Variants in TBC1D31 observed in about 807,000 individuals in gnomAD.
The protein encoded by TBC1D31 is WD repeat domain 67.
Under a neutral mutation model 132.9 loss-of-function variants are expected in TBC1D31, and 99 were observed. The observed-to-expected ratio is 0.74, with a 90% CI of 0.63 to 0.88. TBC1D31 has a LOEUF of 0.88. Ranked by LOEUF, TBC1D31 falls within the 40% of genes least tolerant of loss-of-function variation. The pLI is 0.00. For missense variants in TBC1D31, 1,134 were observed against 1,256.6 expected (o/e 0.90, Z 1.48); for synonymous variants, 385 against 419.4 (o/e 0.92, Z 1.00).
intron 19 of TBC1D31, among the ~76,000 whole-genome samples, chr8:123,142,923 G>A (rs996979951): frequency 6.6e-6 from 1 of 152,178 alleles, no homozygotes; most frequent in African/African-American, 2.4e-5. Flanking sequence ...ATGGTACGTA[G>A]CTGCTAGTAA....
At chr8:123,082,055 G>A (rs920025949) in intron 2 of TBC1D31, among the ~76,000 whole-genome samples, 4 of 152,156 alleles carry the variant, frequency 2.6e-5, no homozygotes, top group African/African-American at 7.2e-5. Flanking sequence ...CTTTCAGACA[G>A]CATGACTCTA....
chr8:123,115,843 G>T (rs1014974537), intron 10 of TBC1D31, among the ~76,000 whole-genome samples: 1 of 152,192 alleles, frequency 6.6e-6, no homozygotes, highest in Non-Finnish European at 1.5e-5. Flanking sequence ...TACCCAGGTA[G>T]TCCAGGATTA....
intron 20 of TBC1D31, 88 bp downstream of exon 20, chr8:123,144,943 AG>A: frequency 4.6e-6 from 5 of 1,089,336 alleles, no homozygotes; most frequent in Non-Finnish European, 5.1e-6. Flanking sequence ...TTTTTTTTTG[AG>A]ATAGGGTCTT....
chr8:123,106,767 C>T (rs2130487764), intron 8 of TBC1D31, among the ~76,000 whole-genome samples: 1 of 152,244 alleles, frequency 6.6e-6, no homozygotes, highest in African/African-American at 2.4e-5. Flanking sequence ...GCAAGACCAT[C>T]CTTAGGTTTG....
intron 11 of TBC1D31, among the ~76,000 whole-genome samples, chr8:123,121,891 T>C (rs1819521565): frequency 6.6e-6 from 1 of 152,180 alleles, no homozygotes; most frequent in African/African-American, 2.4e-5. Context: ...AGGACTTGAA[T>C]AGACATTTCT....
At chr8:123,108,000 C>G (rs750150622) in intron 8 of TBC1D31, among the ~76,000 whole-genome samples, 1 of 152,190 alleles carries the variant, frequency 6.6e-6, no homozygotes, top group Admixed American at 6.5e-5. Context: ...AGTCAGTCTT[C>G]CTGGATCATG....
chr8:123,097,258 T>C, intron 5 of TBC1D31, 24 bp from the exon 6 acceptor site: 1 of 1,610,980 alleles, frequency 6.2e-7, no homozygotes, highest in Non-Finnish European at 8.5e-7. Flanking sequence ...CCCGTTTTTC[T>C]TTCTCACTTT....
At chr8:123,119,993 T>A in intron 10 of TBC1D31, 62 bp from the exon 11 acceptor site, 2 of 1,380,080 alleles carry the variant, frequency 1.4e-6, no homozygotes, top group Non-Finnish European at 9.7e-7. Context: ...GTATCAAATT[T>A]TTATCATGTG....
At chr8:123,088,534 TA>T (rs1293046814) in intron 4 of TBC1D31, among the ~76,000 whole-genome samples, 1 of 152,216 alleles carries the variant, frequency 6.6e-6, no homozygotes, top group African/African-American at 2.4e-5. Context: ...AATATTAAAG[TA>T]AAACGTTCGG....
At chr8:123,081,052 G>A (rs1294805286) in intron 2 of TBC1D31, among the ~76,000 whole-genome samples, 4 of 151,980 alleles carry the variant, frequency 2.6e-5, no homozygotes, top group Admixed American at 2.6e-4. Flanking sequence ...TCAATCCATT[G>A]GTCACTTTTC....
At chr8:123,110,653 C>G (rs1167968207) in intron 10 of TBC1D31, among the ~76,000 whole-genome samples, 3 of 152,128 alleles carry the variant, frequency 2.0e-5, no homozygotes, top group Admixed American at 2.0e-4. Flanking sequence ...CACCCCACAT[C>G]CCAACATACA....
At chr8:123,154,981 C>A (rs969241235), downstream of TBC1D31, among the ~76,000 whole-genome samples, 1 of 152,190 alleles carries the variant, frequency 6.6e-6, no homozygotes, top group African/African-American at 2.4e-5. Context: ...ACCTCAAGAG[C>A]CCAGCCCATC....
chr8:123,162,925 C>G, the TBC1D31 span, among the ~76,000 whole-genome samples: 1 of 152,032 alleles, frequency 6.6e-6, no homozygotes, highest in East Asian at 1.9e-4. Context: ...TTCCGCCTCC[C>G]AGATTCAAGC....
intron 17 of TBC1D31, 53 bp from the exon 18 acceptor site, chr8:123,140,708 G>A (rs1361353991): frequency 3.5e-6 from 5 of 1,416,354 alleles, no homozygotes; most frequent in Non-Finnish European, 4.8e-6. Flanking sequence ...AGTCATTTTT[G>A]TATTCTAGCG....
intron 2 of TBC1D31, among the ~76,000 whole-genome samples, chr8:123,080,434 G>A (rs1434044925): frequency 6.6e-6 from 1 of 151,752 alleles, no homozygotes; most frequent in African/African-American, 2.4e-5. Context: ...GTCCTTCCTG[G>A]TAGAGAAGGG....
chr8:123,161,964 G>A, the TBC1D31 span, among the ~76,000 whole-genome samples: 1 of 140,878 alleles, frequency 7.1e-6, no homozygotes, highest in African/African-American at 2.7e-5. Flanking sequence ...GTTGCAGTGA[G>A]CCGAGATCGT....
intron 4 of TBC1D31, among the ~76,000 whole-genome samples, chr8:123,084,684 G>A (rs1352881881): frequency 6.6e-6 from 1 of 152,094 alleles, no homozygotes. Context: ...TGTACATTCA[G>A]TATCTAGATT....
chr8:123,114,607 T>G (rs182659662), intron 10 of TBC1D31, among the ~76,000 whole-genome samples: 1 of 152,206 alleles, frequency 6.6e-6, no homozygotes, highest in African/African-American at 2.4e-5. Flanking sequence ...CAGGTGTGAG[T>G]CACTGCACCC....
rs372744245 is a variant in TBC1D31, at chr8:123,082,706, A to G, written c.229A>G (p.Asn77Asp). 3.1e-6 allele frequency: 5 copies of G among 1,604,592 alleles called. No individual in the cohort carries two copies. In the African/African-American group the frequency reaches 5.4e-5, roughly 17 times the overall value. ...AATGCAATGATCTCTTAATAGGTTC[A>G]ATCTTGTTCAGCGAACAGCACAAGC... The part of the protein sequence containing the change: ...YVFDLHGNRF[N>D]LVQRTAQACT... Residue 77 changes from asparagine (N) to aspartate (D), a missense_variant, in exon 3 of 22, where the codon AAT becomes GAT. Asn to Asp is a conservative substitution (Grantham distance 23). Coordinates refer to ENST00000287380, the MANE Select transcript of TBC1D31 (RefSeq NM_145647.4).
Sources: allele counts gnomAD v4.1 joint callset (sites outside exome capture counted in the v4.1 genomes callset), GRCh38; gene constraint gnomAD v4.1.1; transcripts MANE v1.5; gene names NCBI Gene and HGNC (gene_info 2026-07-23, HGNC 2026-07-21).